ATXN2: variants seen among roughly 807,000 people sequenced by gnomAD.
The protein encoded by ATXN2 is ataxin 2, also known as ataxin-2.
A neutral mutation model predicts 138.6 loss-of-function variants in ATXN2; 37 were observed. The observed-to-expected ratio is 0.27, with a 90% confidence interval of 0.21 to 0.35. The LOEUF (loss-of-function observed/expected upper bound fraction) is 0.35. ATXN2 is among the 10% of genes least tolerant of loss of function. The pLI, the probability that ATXN2 is intolerant of heterozygous loss-of-function variation, is 1.00. For missense variants in ATXN2, 1,216 were observed against 1,480.3 expected (o/e 0.82, Z 2.93); for synonymous variants, 549 against 543.7 (o/e 1.01, Z -0.13).
chr12:111,532,728 G>C (rs551821617), intron 5 of ATXN2, among the ~76,000 whole-genome samples: 37 of 151,944 alleles, frequency 2.4e-4, no homozygotes, highest in African/African-American at 8.4e-4. Flanking sequence ...AGAATCCACA[G>C]ATCCAGGTGA....
chr12:111,497,204 A>G (rs1418696180), intron 14 of ATXN2, among the ~76,000 whole-genome samples: 1 of 152,204 alleles, frequency 6.6e-6, no homozygotes, highest in Non-Finnish European at 1.5e-5. Context: ...AACGAGACCA[A>G]TAACAAGTAA....
At chr12:111,482,161 G>A (rs570864628) in intron 18 of ATXN2, among the ~76,000 whole-genome samples, 3 of 149,180 alleles carry the variant, frequency 2.0e-5, no homozygotes, top group Admixed American at 1.3e-4. Context: ...AGACCAGCCC[G>A]GCCAACATGG....
intron 21 of ATXN2, chr12:111,458,473 T>A (rs1875297806): frequency 6.6e-6 from 1 of 152,006 alleles, no homozygotes; most frequent in South Asian, 2.1e-4. Context: ...AGAAGCAGAG[T>A]AGGATGTGTT....
chr12:111,487,448 T>C (rs933541801), intron 15 of ATXN2, among the ~76,000 whole-genome samples: 1 of 149,534 alleles, frequency 6.7e-6, no homozygotes, highest in Admixed American at 6.7e-5. Context: ...AACATAACAG[T>C]ATCCTTTTAT....
rs148294246 is a variant in ATXN2 at position 111,589,896 on chromosome 12, G to A, written c.251+8888C>T. 5.9e-5 allele frequency among the ~76,000 whole-genome samples: 9 copies of A among 151,916 alleles called. No homozygotes were observed. The East Asian group carries it at 1.4e-3, about 23-fold the overall frequency. On this transcript the variant is annotated intron_variant, in intron 1 of 24. Coordinates refer to ENST00000673436, the MANE Select transcript of ATXN2 (RefSeq NM_001372574.1). The stretch of plus-strand genomic sequence containing the variant: ...ATGGCACCACTGCACTCCCGCCTGG[G>A]TGACAGAGCTAGAACCTGTCTCAAA...
rs201154741 is a variant in ATXN2 at position 111,554,167 on chromosome 12, T to C, written c.339A>G (p.Thr113=). 1.3e-5 allele frequency: 19 copies of C among 1,494,954 alleles called. No homozygotes were observed. Among genetic ancestry groups the C allele is most frequent in the Non-Finnish European group, 1.6e-5 (18 of 1,110,340 alleles). 92.6% of individuals were successfully genotyped at this position (1,494,954 alleles called of 1,614,324 possible). A position where few individuals can be genotyped will look rare whatever the true frequency, so the allele number is the denominator to read the frequency against. ...YANMRMVHIL[T]SVVGSKCEVQ... is the part of the protein sequence containing the mutation. ...TAATCTAATAACTTACAACAACTGA[T>C]GTAAGTATATGAACCATCCTCATAT... Residue 113 remains threonine, a synonymous_variant, in exon 3 of 25, where the codon ACA becomes ACG. Coordinates refer to ENST00000673436, the MANE Select transcript of ATXN2 (RefSeq NM_001372574.1).
At chr12:111,575,862 T>A (rs1251963907) in intron 1 of ATXN2, among the ~76,000 whole-genome samples, 1 of 152,062 alleles carries the variant, frequency 6.6e-6, no homozygotes, top group Admixed American at 6.6e-5. Context: ...GGCGGGTGGA[T>A]CATGAGGTCA....
At chr12:111,572,067 C>CA (rs1181312483) in intron 1 of ATXN2, among the ~76,000 whole-genome samples, 2 of 147,052 alleles carry the variant, frequency 1.4e-5, no homozygotes. Flanking sequence ...CAAACATACA[C>CA]AAAAAAATGG....
chr12:111,525,315 A>T lies in ATXN2; in HGVS notation c.573T>A (p.Asp191Glu). Reference protein sequence around the residue: ...KDMDSSYAKRDAFTDSAISAK... With the variant: ...KDMDSSYAKREAFTDSAISAK... ...CACTGATAGCAGAGTCAGTAAAAGC[A>T]TCTGCAAAGAATGGTTTTGGTTGAA... is the stretch of plus-strand genomic sequence containing the variant. Residue 191 changes from aspartate to glutamate, a missense_variant and splice_region_variant, in exon 6 of 25, where the codon GAT (aspartate) becomes GAA (glutamate). Asp to Glu is a conservative substitution (Grantham distance 45). This residue lies in a region of ATXN2 where 401 missense variants were observed against 528.1 expected (regional missense o/e 0.76). Coordinates refer to ENST00000673436, the MANE Select transcript of ATXN2 (RefSeq NM_001372574.1). 1 of 1,577,048 alleles carries T rather than the reference A, an allele frequency of 6.3e-7. No individual in the cohort carries two copies. Among genetic ancestry groups the T allele is most frequent in the Non-Finnish European group, 8.6e-7 (1 of 1,165,428 alleles).
chr12:111,539,330 A>G (rs1485921412), intron 5 of ATXN2, among the ~76,000 whole-genome samples: 2 of 149,974 alleles, frequency 1.3e-5, no homozygotes, highest in African/African-American at 4.9e-5. Context: ...CTTAAAAAAG[A>G]AAAATTCTAA....
In ATXN2 at chr12:111,554,149, A is replaced by G. The variant is rs1311950194; in HGVS notation, c.348+9T>C. The G allele has an allele frequency of 2.0e-6, 3 of 1,479,156 alleles. No homozygotes were observed. The highest frequency in any genetic ancestry group is 4.4e-5 in the Admixed American group (2 of 45,420). 91.6% of individuals were successfully genotyped at this position (1,479,156 alleles called of 1,614,324 possible). ...AAGGCAGTTTATCCCCAATAATCTA[A>G]TAACTTACAACAACTGATGTAAGTA... On this transcript the variant is annotated intron_variant, in intron 3 of 24. Coordinates refer to ENST00000673436, the MANE Select transcript of ATXN2 (RefSeq NM_001372574.1).
At chr12:111,506,835 C>T (rs1307184027) in intron 14 of ATXN2, among the ~76,000 whole-genome samples, 11 of 152,106 alleles carry the variant, frequency 7.2e-5, no homozygotes, top group African/African-American at 2.2e-4. Flanking sequence ...GACTGGTTTT[C>T]GTATTTTTTT....
intron 14 of ATXN2, among the ~76,000 whole-genome samples, chr12:111,494,733 A>T (rs935078689): frequency 4.6e-5 from 7 of 152,218 alleles, no homozygotes; most frequent in Non-Finnish European, 4.4e-5. Context: ...TGTCATGGTG[A>T]TCTTAAATCA....
At chr12:111,457,808 C>A (rs555581612) in intron 21 of ATXN2, 1 of 157,744 alleles carries the variant, frequency 6.3e-6, no homozygotes, top group Non-Finnish European at 1.4e-5. Flanking sequence ...GGTGCGGGCA[C>A]TGTGTATGGT....
At chr12:111,530,868 G>A (rs1209322689) in intron 5 of ATXN2, among the ~76,000 whole-genome samples, 2 of 152,156 alleles carry the variant, frequency 1.3e-5, no homozygotes, top group Non-Finnish European at 2.9e-5. Flanking sequence ...GCTGACGCCT[G>A]TAATCCCATC....
rs1191907772 is a variant in ATXN2 at position 111,523,390 on chromosome 12, T to C, written c.696+1802A>G. Among the ~76,000 whole-genome samples, 3 of 152,322 alleles carry C rather than the reference T, an allele frequency of 2.0e-5. No individual in the cohort carries two copies. In the South Asian group the frequency reaches 6.2e-4, roughly 32 times the overall value. On this transcript the variant is annotated intron_variant, in intron 6 of 24. Transcript: ENST00000673436. The stretch of plus-strand genomic sequence containing the variant: ...CATCATAAATCTAACTCATGCTATA[T>C]TGATAGACACTTAGCATGTTTCCAA...
chr12:111,565,243 G>A (rs966775781), intron 1 of ATXN2, among the ~76,000 whole-genome samples: 4 of 151,834 alleles, frequency 2.6e-5, no homozygotes, highest in African/African-American at 9.7e-5. Context: ...TTGCTTTATT[G>A]AAATTCACAG....
intron 22 of ATXN2, among the ~76,000 whole-genome samples, chr12:111,456,657 A>C (rs1875125361): frequency 1.3e-5 from 2 of 152,330 alleles, no homozygotes; most frequent in Admixed American, 6.5e-5. Context: ...TTGCCTTATG[A>C]ACTTTATGTT....
In ATXN2 at chr12:111,583,254, G is replaced by A. The variant is rs574626654; in HGVS notation, c.251+15530C>T. Among the ~76,000 whole-genome samples, 8 of 152,060 alleles carry A rather than the reference G, an allele frequency of 5.3e-5. No homozygotes were observed. The East Asian group carries it at 1.5e-3, about 29-fold the overall frequency. On this transcript the variant is annotated intron_variant, in intron 1 of 24. Transcript: ENST00000673436. Reference sequence around the variant, plus strand: ...GATCCACCCGCCTCAGCCTCCCAAAGTGCTGGGATTATAGGCGTGAGCCAC... The same window carrying A: ...GATCCACCCGCCTCAGCCTCCCAAAATGCTGGGATTATAGGCGTGAGCCAC...
Sources: allele counts gnomAD v4.1 joint callset (sites outside exome capture counted in the v4.1 genomes callset), GRCh38; gene constraint gnomAD v4.1.1; regional missense constraint gnomAD v4.1.1; transcripts MANE v1.5; gene names NCBI Gene and HGNC (gene_info 2026-07-23, HGNC 2026-07-21).